ATG2B: variants seen among roughly 807,000 people sequenced by gnomAD.
ATG2B encodes autophagy related 2B.
ATG2B carries 121 observed loss-of-function variants against 241.3 expected under a neutral mutation model. The ratio of observed to expected loss-of-function variants is 0.50; its 90% CI spans 0.43 to 0.58. The LOEUF (loss-of-function observed/expected upper bound fraction) is 0.58, where lower values mean the gene tolerates loss of function less well. Ranked by LOEUF, ATG2B falls within the 20% of genes least tolerant of loss-of-function variation. ATG2B has a pLI of 0.00. For synonymous variants in ATG2B, 858 were observed against 876.6 expected (o/e 0.98, Z 0.37); for missense variants, 2,306 against 2,491.6 (o/e 0.93, Z 1.59).
intron 41 of ATG2B, among the ~76,000 whole-genome samples, chr14:96,287,588 C>T (rs11160326): frequency 0.77 from 117,771 of 152,204 alleles, 46,191 homozygotes; most frequent in African/African-American, 0.9. Flanking sequence ...CTTCCTCCTA[C>T]GGTGATTGTT....
In ATG2B at chr14:96,343,174, C is replaced by A; in HGVS notation, c.689G>T (p.Trp230Leu). The A allele has an allele frequency of 6.2e-7, 1 of 1,607,004 alleles. No homozygotes were observed. The highest frequency in any genetic ancestry group is 8.5e-7 in the Non-Finnish European group (1 of 1,175,706). Reference sequence around the variant, plus strand: ...TTTGGCTGATGCAGAAAACTCATCCCAGAAGAGAGACACTCCAGAGAGCTG... The same window carrying A: ...TTTGGCTGATGCAGAAAACTCATCCAAGAAGAGAGACACTCCAGAGAGCTG... The part of the protein sequence containing the change: ...LLQLSGVSLF[W>L]DEFSASAKSS... The change falls in exon 5 of 42, where the codon TGG (tryptophan) becomes TTG (leucine). Residue 230 changes from tryptophan (W) to leucine (L), a missense_variant. Physicochemically the swap from Trp to Leu is moderately conservative, Grantham distance 61 (BLOSUM62 -2). This residue lies in a region of ATG2B where 1,927 missense variants were observed against 2,011.2 expected (regional missense o/e 0.96). Coordinates refer to ENST00000359933, the MANE Select transcript of ATG2B (RefSeq NM_018036.7).
chr14:96,340,800 C>T (rs919107643), intron 6 of ATG2B, among the ~76,000 whole-genome samples: 8 of 151,680 alleles, frequency 5.3e-5, no homozygotes, highest in Non-Finnish European at 1.2e-4. Context: ...TGCCTGTAGC[C>T]CCAGCTACTT....
At chr14:96,298,555 T>C (rs1886709551) in intron 34 of ATG2B, among the ~76,000 whole-genome samples, 1 of 152,196 alleles carries the variant, frequency 6.6e-6, no homozygotes, top group Admixed American at 6.5e-5. Context: ...GGTAAACAGA[T>C]AAACCGTGGT....
chr14:96,318,761 T>C (rs754665110), intron 18 of ATG2B, among the ~76,000 whole-genome samples: 8 of 152,090 alleles, frequency 5.3e-5, no homozygotes, highest in Non-Finnish European at 1.0e-4. Context: ...CCCTCATCCA[T>C]CCTCGAAGTT....
chr14:96,363,227 C>A lies in ATG2B; in HGVS notation c.-251G>T. 2 of 469,878 alleles carry A rather than the reference C, an allele frequency of 4.3e-6. No individual in the cohort carries two copies. The highest frequency in any genetic ancestry group is 7.6e-6 in the Non-Finnish European group (2 of 261,980). The allele number at this position is 469,878 out of a possible 1,614,324, so 29.1% of individuals were successfully genotyped here. A position where few individuals can be genotyped will look rare whatever the true frequency, so the allele number is the denominator to read the frequency against. ...GGGGACTTCCGAGGAGGGTCCCAAC[C>A]GGCTCGGAGAGAGTGCAAGAGAGCG... is the stretch of plus-strand genomic sequence containing the variant. On this transcript the variant is annotated 5_prime_UTR_variant, in exon 1 of 42. Coordinates refer to ENST00000359933, the MANE Select transcript of ATG2B (RefSeq NM_018036.7).
intron 34 of ATG2B, among the ~76,000 whole-genome samples, chr14:96,297,176 C>T (rs1886666187): frequency 6.6e-6 from 1 of 151,476 alleles, no homozygotes; most frequent in Non-Finnish European, 1.5e-5. Context: ...TACAGTTTAA[C>T]AGCATATAAA....
rs1595341402 is a variant in ATG2B, at chr14:96,363,150, C to T, written c.-174G>A. 1 of 668,986 alleles carries T rather than the reference C, an allele frequency of 1.5e-6. No individual in the cohort carries two copies. The highest frequency in any genetic ancestry group is 2.5e-6 in the Non-Finnish European group (1 of 397,486). The allele number at this position is 668,986 out of a possible 1,614,324, so 41.4% of individuals were successfully genotyped here. A position where few individuals can be genotyped will look rare whatever the true frequency, so the allele number is the denominator to read the frequency against. On this transcript the variant is annotated 5_prime_UTR_variant, in exon 1 of 42. Transcript: ENST00000359933. ...CCCATCGCCGGCGCCGCACCGCTCG[C>T]GCTGGGCCTGGCGGAGGCAAGACGC...
intron 25 of ATG2B, 68 bp from the exon 26 acceptor site, chr14:96,312,227 A>G: frequency 9.8e-7 from 1 of 1,020,210 alleles, no homozygotes. Flanking sequence ...CATAATCACT[A>G]TATGCTTAAT....
Position 96,333,743 on chromosome 14 carries a change from T to TA in ATG2B, c.1151dup (p.Ser385IlefsTer8). 6.2e-7 allele frequency: 1 copy of TA among 1,613,972 alleles called. No homozygotes were observed. Among genetic ancestry groups the TA allele is most frequent in the Non-Finnish European group, 8.5e-7 (1 of 1,179,884 alleles). On this transcript the variant is annotated frameshift_variant, in exon 8 of 42. Coordinates refer to ENST00000359933, the MANE Select transcript of ATG2B (RefSeq NM_018036.7). LOFTEE classifies it high-confidence loss of function. ...TCTCATAAAAGCTTTGCTCTGAAGA[T>TA]ACACCCACAGAGAGGGAATCTTTTC...
At position 96,313,138 on chromosome 14, in the gene ATG2B, G is replaced by C; in HGVS notation, c.3769C>G (p.Arg1257Gly). The change falls in exon 25 of 42, where the codon CGA becomes GGA. Residue 1257 changes from arginine (R) to glycine (G), a missense_variant. Physicochemically the swap from Arg to Gly is moderately radical, Grantham distance 125. Transcript: ENST00000359933. Reference protein sequence around the residue: ...LDYRPLYLPIRSLLTVETFSV... With the variant: ...LDYRPLYLPIGSLLTVETFSV... ...AATGTTTCCACGGTAAGAAGAGATCGGATTGGCAAATAAAGGGGTCTAATG... is the reference window on the plus strand; with the variant it reads ...AATGTTTCCACGGTAAGAAGAGATCCGATTGGCAAATAAAGGGGTCTAATG... 6.2e-7 allele frequency: 1 copy of C among 1,613,158 alleles called. No homozygotes were observed. The highest frequency in any genetic ancestry group is 8.5e-7 in the Non-Finnish European group (1 of 1,179,458).
chr14:96,328,456 T>A lies in ATG2B; in HGVS notation c.2054A>T (p.Asp685Val). 1 of 1,613,570 alleles carries A rather than the reference T, an allele frequency of 6.2e-7. No individual in the cohort carries two copies. Among genetic ancestry groups the A allele is most frequent in the Non-Finnish European group, 8.5e-7 (1 of 1,179,872 alleles). The change falls in exon 14 of 42, where the codon GAT becomes GTT. Residue 685 changes from aspartate (D) to valine (V), a missense_variant. Physicochemically the swap from Asp to Val is radical, Grantham distance 152 (BLOSUM62 -3). This residue lies in a region of ATG2B where 1,927 missense variants were observed against 2,011.2 expected (regional missense o/e 0.96). Coordinates refer to ENST00000359933, the MANE Select transcript of ATG2B (RefSeq NM_018036.7). ...IKLNPVCCEL[D>V]ISIVDRLNSL... is the part of the protein sequence containing the mutation. ...ATTTAACCTGTCCACAATACTGATA[T>A]CCAGCTCACAACACACTGGATTTAA...
In ATG2B at chr14:96,289,821, A is replaced by G; in HGVS notation, c.5857-16T>C. On this transcript the variant is annotated splice_polypyrimidine_tract_variant and intron_variant, in intron 40 of 41. Coordinates refer to ENST00000359933, the MANE Select transcript of ATG2B (RefSeq NM_018036.7). The surrounding 1 kb of genome is among the most constrained non-coding windows in gnomAD (Gnocchi z 4.3). ...CTGCAGCTGCCTGGATCATTTTGTC[A>G]AAAGGAAGAAATGAATTAGAAGAAA... 6.2e-7 allele frequency: 1 copy of G among 1,613,574 alleles called. No homozygotes were observed. The highest frequency in any genetic ancestry group is 8.5e-7 in the Non-Finnish European group (1 of 1,179,684).
intron 1 of ATG2B, among the ~76,000 whole-genome samples, chr14:96,349,539 T>G (rs1376518753): frequency 6.6e-6 from 1 of 152,184 alleles, no homozygotes; most frequent in Non-Finnish European, 1.5e-5. Context: ...TTGGCACAGA[T>G]AGCAACACTG....
chr14:96,319,228 T>C (rs568047312), intron 18 of ATG2B, among the ~76,000 whole-genome samples: 1 of 152,326 alleles, frequency 6.6e-6, no homozygotes, highest in African/African-American at 2.4e-5. Flanking sequence ...TATGTTCTCC[T>C]TATTTATATT....
At position 96,333,870 on chromosome 14, in the gene ATG2B, T is replaced by C. The variant is rs754658982; in HGVS notation, c.1025A>G (p.Asn342Ser). The C allele has an allele frequency of 1.2e-6, 2 of 1,612,832 alleles. No individual in the cohort carries two copies. The change falls in exon 8 of 42, where the codon AAT (asparagine) becomes AGT (serine). Residue 342 changes from asparagine (N) to serine (S), a missense_variant. By Grantham distance (46) the Asn-to-Ser change is conservative. This residue lies in a region of ATG2B where 1,927 missense variants were observed against 2,011.2 expected (regional missense o/e 0.96). Transcript: ENST00000359933. ...DMLAAIAGPE[N>S]SSKIGLANKD... Reference sequence around the variant, plus strand: ...ATTAGCTAACCCTATTTTGCTAGAATTTTCTATAAGCATACAAAAGGAAAC... The same window carrying C: ...ATTAGCTAACCCTATTTTGCTAGAACTTTCTATAAGCATACAAAAGGAAAC...
chr14:96,352,173 T>C (rs947859286), intron 1 of ATG2B, among the ~76,000 whole-genome samples: 2 of 152,190 alleles, frequency 1.3e-5, no homozygotes, highest in Admixed American at 6.5e-5. Context: ...GCAGCCATCA[T>C]AAGGCAATGT....
intron 21 of ATG2B, 81 bp downstream of exon 21, chr14:96,316,452 T>C: frequency 1.4e-6 from 2 of 1,387,938 alleles, no homozygotes; most frequent in Non-Finnish European, 2.0e-6. Flanking sequence ...ACCAAAGTTC[T>C]GTTCTCAATA....
Position 96,302,120 on chromosome 14 carries a change from G to A in ATG2B, c.5038-12C>T, listed in dbSNP as rs191239712. On this transcript the variant is annotated splice_polypyrimidine_tract_variant and intron_variant, in intron 33 of 41. Transcript: ENST00000359933. The stretch of plus-strand genomic sequence containing the variant: ...GCTTTCACTGTCAACTACAAGGCAA[G>A]AAAGAGAATAACATTTTTCCCCAAT... 1,221 of 1,556,840 alleles carry A rather than the reference G, an allele frequency of 7.8e-4. 11 individuals are homozygous for A. In the African/African-American group the frequency reaches 0.014, roughly 17 times the overall value.
At chr14:96,333,634 T>C in intron 8 of ATG2B, 54 bp downstream of exon 8, 2 of 1,527,698 alleles carry the variant, frequency 1.3e-6, no homozygotes, top group Non-Finnish European at 1.8e-6. Flanking sequence ...TTAAGTGTAA[T>C]TTTATCTATG....
Sources: gnomAD v4.1 joint callset for allele counts (sites outside exome capture counted in the v4.1 genomes callset) on GRCh38, gnomAD v4.1.1 for gene constraint, gnomAD v4.1.1 regional missense constraint, Gnocchi (gnomAD v3.1) non-coding constraint, MANE v1.5 for transcripts, NCBI Gene and HGNC (gene_info 2026-07-23, HGNC 2026-07-21) for gene names.